The following CACNA1B variants were observed in gnomAD, a reference collection of about 807,000 sequenced individuals.
CACNA1B encodes calcium voltage-gated channel subunit alpha1 B.
Under a neutral mutation model 247.2 loss-of-function variants are expected in CACNA1B, and 70 were observed. The observed-to-expected ratio is 0.28, with a 90% confidence interval of 0.23 to 0.35. The LOEUF (loss-of-function observed/expected upper bound fraction) is 0.35, where lower values mean the gene tolerates loss of function less well. Ranked by LOEUF, CACNA1B falls within the 10% of genes least tolerant of loss-of-function variation. The probability of loss-of-function intolerance (pLI) is 1.00; values close to 1 mark genes in which losing one functional copy is unlikely to be tolerated. For missense variants in CACNA1B, 2,367 were observed against 3,197.4 expected (o/e 0.74, Z 6.26); for synonymous variants, 1,231 against 1,294.4 (o/e 0.95, Z 1.05).
chr9:137,914,762 T>C lies in CACNA1B; in HGVS notation c.731T>C (p.Phe244Ser). The C allele has an allele frequency of 1.2e-6, 2 of 1,613,994 alleles. No individual in the cohort carries two copies. Among genetic ancestry groups the C allele is most frequent in the Non-Finnish European group, 1.7e-6 (2 of 1,179,870 alleles). Residue 244 changes from phenylalanine (F) to serine (S), a missense_variant, in exon 5 of 47, where the codon TTC (phenylalanine) becomes TCC (serine). Phe to Ser is a radical substitution (Grantham distance 155). Transcript: ENST00000371372. The surrounding 1 kb of genome is among the most constrained non-coding windows in gnomAD (Gnocchi z 4.3). ...ILMFAIIGLE[F>S]YMGKFHKACF... Reference sequence around the variant, plus strand: ...ATGTTTGCCATCATTGGCCTGGAGTTCTACATGGGCAAGTTCCACAAGGCC... The same window carrying C: ...ATGTTTGCCATCATTGGCCTGGAGTCCTACATGGGCAAGTTCCACAAGGCC...
intron 6 of CACNA1B, among the ~76,000 whole-genome samples, chr9:137,927,953 A>T (rs545967206): frequency 5.9e-5 from 9 of 152,314 alleles, no homozygotes; most frequent in Admixed American, 5.9e-4. Context: ...TGAATATTGA[A>T]CCAGCCTTGC....
rs1397709024 is a variant in CACNA1B at position 138,124,315 on chromosome 9, A to G, written c.*2316A>G. 3 of 152,138 alleles carry G rather than the reference A, an allele frequency of 2.0e-5. No individual in the cohort carries two copies. The highest frequency in any genetic ancestry group is 7.2e-5 in the African/African-American group (3 of 41,434). The allele number at this position is 152,138 out of a possible 1,614,324, so 9.4% of individuals were successfully genotyped here. A position where few individuals can be genotyped will look rare whatever the true frequency, so the allele number is the denominator to read the frequency against. ...ATACATATATACAAGTATGTGCATG[A>G]TAATGTATATCTTCGTACTTTTTGA... On this transcript the variant is annotated 3_prime_UTR_variant, in exon 47 of 47. Coordinates refer to ENST00000371372, the MANE Select transcript of CACNA1B (RefSeq NM_000718.4).
rs926715444 is a variant in CACNA1B, at chr9:138,057,097, G to A, written c.3969-635G>A. Among the ~76,000 whole-genome samples, 15 of 151,992 alleles carry A rather than the reference G, an allele frequency of 9.9e-5. No homozygotes were observed. Among genetic ancestry groups the A allele is most frequent in the African/African-American group, 2.2e-4 (9 of 41,450 alleles). On this transcript the variant is annotated intron_variant, in intron 26 of 46. Coordinates refer to ENST00000371372, the MANE Select transcript of CACNA1B (RefSeq NM_000718.4). The surrounding 1 kb of genome is among the most constrained non-coding windows in gnomAD (Gnocchi z 4.0). ...ACTATAGGCGCCCGCCACCACGCCCGGCTAATTATTTTTGTATTTTTAGTA... is the reference window on the plus strand; with the variant it reads ...ACTATAGGCGCCCGCCACCACGCCCAGCTAATTATTTTTGTATTTTTAGTA...
rs771317774 is a variant in CACNA1B, at chr9:138,102,022, C to T, written c.5223-689C>T. Among the ~76,000 whole-genome samples the T allele has an allele frequency of 6.6e-6, 1 of 152,208 alleles. No individual in the cohort carries two copies. The highest frequency in any genetic ancestry group is 1.5e-5 in the Non-Finnish European group (1 of 68,024). ...GCCATGTCCTGCCAGCTCCTCCCCCCTCCCGCAGTCTCCCATTTCCCACCC... is the reference window on the plus strand; with the variant it reads ...GCCATGTCCTGCCAGCTCCTCCCCCTTCCCGCAGTCTCCCATTTCCCACCC... On this transcript the variant is annotated intron_variant, in intron 37 of 46. Transcript: ENST00000371372. This position sits in a 1 kb window ranked among gnomAD's most constrained non-coding sequence, Gnocchi z 5.4.
chr9:138,082,238 A>G (rs537863336), intron 36 of CACNA1B, among the ~76,000 whole-genome samples: 6 of 151,594 alleles, frequency 4.0e-5, no homozygotes, highest in Non-Finnish European at 8.8e-5. Flanking sequence ...TTTGTAAATT[A>G]CATTTCTGAT....
chr9:137,958,548 A>T (rs1957975395), intron 10 of CACNA1B, among the ~76,000 whole-genome samples: 1 of 152,144 alleles, frequency 6.6e-6, no homozygotes, highest in Non-Finnish European at 1.5e-5. Context: ...GGAGTTGTTC[A>T]GTTGCTCGTC....
chr9:138,025,897 CAG>C (rs536533477), intron 20 of CACNA1B, among the ~76,000 whole-genome samples: 6 of 152,078 alleles, frequency 3.9e-5, no homozygotes, highest in African/African-American at 7.2e-5. Context: ...TTCTTAAGTA[CAG>C]AGAAAAAAGG....
At chr9:138,114,833 G>A (rs1241318100) in intron 41 of CACNA1B, among the ~76,000 whole-genome samples, 1 of 152,158 alleles carries the variant, frequency 6.6e-6, no homozygotes, top group African/African-American at 2.4e-5. Context: ...AGAGGTGAAA[G>A]GAGAACTGTT....
chr9:137,980,483 T>C (rs1263747967), intron 12 of CACNA1B, among the ~76,000 whole-genome samples: 2 of 152,236 alleles, frequency 1.3e-5, no homozygotes, highest in East Asian at 1.9e-4. Context: ...CTTGGCTTCA[T>C]CTTTAGACCA....
chr9:137,978,550 G>C (rs1330974844), intron 12 of CACNA1B, among the ~76,000 whole-genome samples: 2 of 152,170 alleles, frequency 1.3e-5, no homozygotes, highest in Non-Finnish European at 2.9e-5. Flanking sequence ...TGGGGAGTAG[G>C]AGTGCCGCCC....
chr9:138,099,947 C>T (rs1961198485), intron 37 of CACNA1B, among the ~76,000 whole-genome samples: 1 of 152,252 alleles, frequency 6.6e-6, no homozygotes, highest in Non-Finnish European at 1.5e-5. Flanking sequence ...TGGGCATCTG[C>T]CATGTGCTGG....
chr9:137,922,315 G>A (rs7043116), intron 6 of CACNA1B, among the ~76,000 whole-genome samples: 37,204 of 149,454 alleles, frequency 0.25, 6,405 homozygotes, highest in African/African-American at 0.47. Context: ...TAAAGTGCTC[G>A]GAGAACATGA....
At position 138,052,605 on chromosome 9, in the gene CACNA1B, C is replaced by G. The variant is rs532498875; in HGVS notation, c.3807+417C>G. On this transcript the variant is annotated intron_variant, in intron 25 of 46. Transcript: ENST00000371372. The surrounding 1 kb of genome is among the most constrained non-coding windows in gnomAD (Gnocchi z 5.1). Reference sequence around the variant, plus strand: ...CAAACTCATAGGGCCACGCTGAAACCTAGTAATTGTGAGCTTGTGCTAGGC... The same window carrying G: ...CAAACTCATAGGGCCACGCTGAAACGTAGTAATTGTGAGCTTGTGCTAGGC... 1.3e-4 allele frequency among the ~76,000 whole-genome samples: 20 copies of G among 152,324 alleles called. No individual in the cohort carries two copies. Among genetic ancestry groups the G allele is most frequent in the African/African-American group, 4.6e-4 (19 of 41,566 alleles).
In CACNA1B at chr9:138,053,831, C is replaced by T; in HGVS notation, c.3808-15C>T. The T allele has an allele frequency of 6.2e-7, 1 of 1,608,322 alleles. No homozygotes were observed. Among genetic ancestry groups the T allele is most frequent in the Non-Finnish European group, 8.5e-7 (1 of 1,175,238 alleles). The stretch of plus-strand genomic sequence containing the variant: ...ATTCCACCCCCTCATCATGGCTCCA[C>T]CCCTCCTCCTGCAGGCTGTGTTTGA... On this transcript the variant is annotated splice_polypyrimidine_tract_variant and intron_variant, in intron 25 of 46. Transcript: ENST00000371372.
At chr9:138,081,722 T>C (rs1249829987) in intron 36 of CACNA1B, among the ~76,000 whole-genome samples, 1 of 150,996 alleles carries the variant, frequency 6.6e-6, no homozygotes, top group Non-Finnish European at 1.5e-5. Context: ...GAAATGGAGG[T>C]CTAGAGATGT....
intron 11 of CACNA1B, among the ~76,000 whole-genome samples, chr9:137,972,835 C>A (rs1958170295): frequency 1.3e-5 from 2 of 152,208 alleles, no homozygotes; most frequent in Non-Finnish European, 2.9e-5. Flanking sequence ...CCGGCTCAGG[C>A]TCCCTGGGCG....
intron 10 of CACNA1B, among the ~76,000 whole-genome samples, chr9:137,960,239 AGGGGAGTTAGGCCTGAGG>A (rs1279634628): frequency 7.2e-3 from 803 of 111,460 alleles, no homozygotes; most frequent in Middle Eastern, 0.03. Flanking sequence ...AAGCCGGGAG[AGGGGAGTTAGGCCTGAGG>A]GACACCCGGA....
chr9:137,934,722 A>C (rs954555256), intron 6 of CACNA1B, among the ~76,000 whole-genome samples: 1 of 152,200 alleles, frequency 6.6e-6, no homozygotes, highest in Non-Finnish European at 1.5e-5. Context: ...CAGAAGAGAG[A>C]CAACAATCAC....
chr9:138,070,091 T>C (rs1960069160), intron 32 of CACNA1B, among the ~76,000 whole-genome samples: 1 of 152,232 alleles, frequency 6.6e-6, no homozygotes, highest in South Asian at 2.1e-4. Flanking sequence ...TGGCTCAGAT[T>C]TGGGGAGGCT....
Sources: gnomAD v4.1 joint callset for allele counts (sites outside exome capture counted in the v4.1 genomes callset) on GRCh38, gnomAD v4.1.1 for gene constraint, Gnocchi (gnomAD v3.1) non-coding constraint, MANE v1.5 for transcripts, NCBI Gene and HGNC (gene_info 2026-07-23, HGNC 2026-07-21) for gene names.